The following HEATR9 variants were observed in gnomAD, a reference collection of about 807,000 sequenced individuals.
The protein encoded by HEATR9 is HEAT repeat containing 9.
HEATR9 carries 54 observed loss-of-function variants against 68.2 expected under a neutral mutation model. The observed-to-expected ratio is 0.79, with a 90% CI of 0.64 to 0.99. HEATR9 has a LOEUF of 0.99. Ranked by LOEUF, HEATR9 falls within the 50% of genes least tolerant of loss-of-function variation. HEATR9 has a pLI of 0.00. For synonymous variants in HEATR9, 241 were observed against 253.5 expected (o/e 0.95, Z 0.47); for missense variants, 662 against 679.7 (o/e 0.97, Z 0.29).
At chr17:35,856,426 G>T (rs560668942) in intron 12 of HEATR9, 2 of 1,377,460 alleles carry the variant, frequency 1.5e-6, no homozygotes, top group Non-Finnish European at 2.0e-6. Context: ...ACTGAATGAT[G>T]ATCAGGACTG....
chr17:35,858,349 G>A (rs1013353486), intron 10 of HEATR9, 30 bp from the exon 11 acceptor site: 4 of 1,613,982 alleles, frequency 2.5e-6, no homozygotes, highest in Middle Eastern at 1.6e-4. Flanking sequence ...TTAGTGGGGA[G>A]GTGTGAAAGA....
Position 35,859,016 on chromosome 17 carries a change from TG to T in HEATR9, c.810del (p.Lys271ArgfsTer18). ...GKLVPVLQTL[I>X]KKSSSEASLE... is the part of the protein sequence containing the mutation. ...AGAGATGCTTCACTGGACGACTTCT[TG>T]ATCAGTGTCTGTAGTACAGGCACCA... On this transcript the variant is annotated frameshift_variant, in exon 9 of 15. Coordinates refer to ENST00000604834, the MANE Select transcript of HEATR9 (RefSeq NM_152781.4). LOFTEE classifies it high-confidence loss of function. 1 of 1,614,208 alleles carries T rather than the reference TG, an allele frequency of 6.2e-7. No individual in the cohort carries two copies. Among genetic ancestry groups the T allele is most frequent in the Non-Finnish European group, 8.5e-7 (1 of 1,180,040 alleles).
In HEATR9 at chr17:35,864,238, A is replaced by G; in HGVS notation, c.567+8T>C. On this transcript the variant is annotated splice_region_variant and intron_variant, in intron 6 of 14. Coordinates refer to ENST00000604834, the MANE Select transcript of HEATR9 (RefSeq NM_152781.4). ...TCTTTCCTGAACTCCAGCAGTTCTC[A>G]GACTCACCACCTGCTGTAGTGCCTC... 2 of 1,606,704 alleles carry G rather than the reference A, an allele frequency of 1.2e-6. No homozygotes were observed. Among genetic ancestry groups the G allele is most frequent in the Non-Finnish European group, 1.7e-6 (2 of 1,173,260 alleles).
chr17:35,856,470 T>TGGCTCACGCCTGTAA, intron 12 of HEATR9: 2 of 1,107,204 alleles, frequency 1.8e-6, no homozygotes, highest in Admixed American at 4.2e-5. Flanking sequence ...AAAAGTTCTT[T>TGGCTCACGCCTGTAA]TCATGTCATA....
chr17:35,861,077 A>T, intron 8 of HEATR9: 1 of 918,612 alleles, frequency 1.1e-6, no homozygotes, highest in Non-Finnish European at 1.8e-6. Flanking sequence ...CAGAGATTTT[A>T]AAGAAGCATC....
rs2088131350 is a variant in HEATR9 at position 35,864,738 on chromosome 17, C to T, written c.453+20G>A. 6.2e-7 allele frequency: 1 copy of T among 1,613,418 alleles called. No individual in the cohort carries two copies. The highest frequency in any genetic ancestry group is 1.1e-5 in the South Asian group (1 of 91,074). ...CCACAGGGAGGGAGTCCCCCACGTC[C>T]TCTCCCACATGGTCCTGACCCTTAA... On this transcript the variant is annotated intron_variant, in intron 4 of 14. Transcript: ENST00000604834.
At chr17:35,864,064 A>G (rs2088103723) in intron 6 of HEATR9, 182 bp downstream of exon 6, 2 of 592,862 alleles carry the variant, frequency 3.4e-6, no homozygotes, top group Non-Finnish European at 6.1e-6. Flanking sequence ...TATCTTTTAG[A>G]TCCAGCTGCT....
chr17:35,861,441 C>G, intron 8 of HEATR9: 1 of 1,603,172 alleles, frequency 6.2e-7, no homozygotes, highest in Non-Finnish European at 8.5e-7. Context: ...GATTGCGCTT[C>G]TTTTTAAAGT....
Position 35,864,242 on chromosome 17 carries a change from TCA to T in HEATR9, c.567+2_567+3del. On this transcript the variant is annotated splice_donor_variant and splice_donor_region_variant and intron_variant, in intron 6 of 14. Coordinates refer to ENST00000604834, the MANE Select transcript of HEATR9 (RefSeq NM_152781.4). LOFTEE classifies it high-confidence loss of function. ...TCCTGAACTCCAGCAGTTCTCAGAC[TCA>T]CCACCTGCTGTAGTGCCTCCATGAC... 1 of 1,608,600 alleles carries T rather than the reference TCA, an allele frequency of 6.2e-7. No homozygotes were observed. Among genetic ancestry groups the T allele is most frequent in the Non-Finnish European group, 8.5e-7 (1 of 1,174,956 alleles).
In HEATR9 at chr17:35,861,364, G is replaced by A. The variant is rs1384027278; in HGVS notation, c.756+1631C>T. 23 of 1,575,552 alleles carry A rather than the reference G, an allele frequency of 1.5e-5. 1 individual carries two copies. The Admixed American group carries it at 3.8e-4, about 26-fold the overall frequency. On this transcript the variant is annotated intron_variant, in intron 8 of 14. Coordinates refer to ENST00000604834, the MANE Select transcript of HEATR9 (RefSeq NM_152781.4). The stretch of plus-strand genomic sequence containing the variant: ...ATTTCTATGTTTTTAAAATTCAAAT[G>A]AATTATCCACTGTAAGCTCTTTACC...
At chr17:35,862,875 A>G in intron 8 of HEATR9, 120 bp downstream of exon 8, 1 of 1,415,646 alleles carries the variant, frequency 7.1e-7, no homozygotes. Context: ...CTCCTCAAGG[A>G]CAGTGTCTTC....
rs777243272 is a variant in HEATR9 at position 35,858,277 on chromosome 17, C to A, written c.1075G>T (p.Glu359Ter). The A allele has an allele frequency of 5.0e-6, 8 of 1,614,040 alleles. No individual in the cohort carries two copies. In the East Asian group the frequency reaches 1.3e-4, roughly 27 times the overall value. Residue 359 changes from glutamate to a stop codon, truncating the protein, a stop_gained, in exon 11 of 15, where the codon GAA becomes TAA. Coordinates refer to ENST00000604834, the MANE Select transcript of HEATR9 (RefSeq NM_152781.4). LOFTEE classifies it high-confidence loss of function. ...TCTAGCCCCTGTGCCTGGATCTGTTCCAGCCCAATGGTCTTGAGCATTTGG... is the reference window on the plus strand; with the variant it reads ...TCTAGCCCCTGTGCCTGGATCTGTTACAGCCCAATGGTCTTGAGCATTTGG... The part of the protein sequence containing the change: ...ATQMLKTIGL[E>*]QIQAQGLEEL...
intron 11 of HEATR9, among the ~76,000 whole-genome samples, chr17:35,857,064 C>G (rs1438155352): frequency 2.0e-5 from 3 of 152,020 alleles, no homozygotes; most frequent in Admixed American, 6.5e-5. Context: ...CTGAATGAAA[C>G]TTGGAAGGTG....
At chr17:35,856,472 C>T (rs1182362939) in intron 12 of HEATR9, 3 of 1,098,594 alleles carry the variant, frequency 2.7e-6, no homozygotes, top group Non-Finnish European at 4.0e-6. Context: ...AAGTTCTTTT[C>T]ATGTCATAAT....
At chr17:35,867,034 G>A (rs1428254325) in intron 1 of HEATR9, among the ~76,000 whole-genome samples, 2 of 151,908 alleles carry the variant, frequency 1.3e-5, no homozygotes, top group Non-Finnish European at 2.9e-5. Flanking sequence ...GGCGGATCAC[G>A]AGGTCAGGAG....
intron 4 of HEATR9, 59 bp from the exon 5 acceptor site, chr17:35,864,612 T>C: frequency 6.3e-7 from 1 of 1,590,374 alleles, no homozygotes; most frequent in Non-Finnish European, 8.6e-7. Context: ...AATTTCAAAC[T>C]AAAGGGAGCT....
chr17:35,856,014 C>T (rs1473778169), intron 13 of HEATR9, among the ~76,000 whole-genome samples, 159 bp downstream of exon 13: 1 of 152,124 alleles, frequency 6.6e-6, no homozygotes, highest in Non-Finnish European at 1.5e-5. Flanking sequence ...GCCCACCTAC[C>T]CCCAACCCTG....
chr17:35,865,660 A>T (rs147083045), intron 2 of HEATR9, among the ~76,000 whole-genome samples: 401 of 152,306 alleles, frequency 2.6e-3, no homozygotes, highest in African/African-American at 9.4e-3. Context: ...TGTTGTAAAG[A>T]TCAAAAGAGA....
At chr17:35,856,274 A>C (rs751822828) in intron 12 of HEATR9, 50 bp from the exon 13 acceptor site, 2 of 1,614,000 alleles carry the variant, frequency 1.2e-6, no homozygotes, top group Non-Finnish European at 1.7e-6. Flanking sequence ...GAGTAGGGGA[A>C]GTGGAAGGGA....
Sources: gnomAD v4.1 joint callset for allele counts (sites outside exome capture counted in the v4.1 genomes callset) on GRCh38, gnomAD v4.1.1 for gene constraint, MANE v1.5 for transcripts, NCBI Gene and HGNC (gene_info 2026-07-23, HGNC 2026-07-21) for gene names.